LYPD6: variants seen among roughly 807,000 people sequenced by gnomAD.
LYPD6 encodes ly6/PLAUR domain-containing protein 6.
A neutral mutation model predicts 22.7 loss-of-function variants in LYPD6; 15 were observed. The ratio of observed to expected loss-of-function variants is 0.66; its 90% CI spans 0.44 to 1.02. The LOEUF (loss-of-function observed/expected upper bound fraction) is 1.02. LYPD6 is among the 50% of genes least tolerant of loss of function. The probability of loss-of-function intolerance (pLI) is 0.00; values close to 1 mark genes in which losing one functional copy is unlikely to be tolerated. For synonymous variants in LYPD6, 72 were observed against 77.5 expected, an observed-to-expected ratio of 0.93 and a Z score of 0.37; for missense variants, 189 against 208.4, an observed-to-expected ratio of 0.91 and a Z score of 0.57.
chr2:149,420,474 C>A (rs1269167109), intron 1 of LYPD6, among the ~76,000 whole-genome samples: 1 of 152,148 alleles, frequency 6.6e-6, no homozygotes, highest in African/African-American at 2.4e-5. Context: ...AAGACATTTT[C>A]TCTTTTGTTG....
At chr2:149,404,296 G>A (rs1682638717) in intron 1 of LYPD6, among the ~76,000 whole-genome samples, 1 of 152,090 alleles carries the variant, frequency 6.6e-6, no homozygotes. Flanking sequence ...TGATGGGGAT[G>A]GCATTGAATC....
chr2:149,342,682 C>T (rs1681185188), intron 1 of LYPD6, among the ~76,000 whole-genome samples: 1 of 152,142 alleles, frequency 6.6e-6, no homozygotes, highest in Admixed American at 6.6e-5. Context: ...AAGAAATAGA[C>T]AAGGCCAGAT....
At chr2:149,345,961 C>T (rs1681248789) in intron 1 of LYPD6, among the ~76,000 whole-genome samples, 1 of 152,076 alleles carries the variant, frequency 6.6e-6, no homozygotes, top group South Asian at 2.1e-4. Context: ...TTAGAGGCCA[C>T]CTTTACTATT....
At chr2:149,350,936 C>T (rs1681346891) in intron 1 of LYPD6, among the ~76,000 whole-genome samples, 1 of 152,164 alleles carries the variant, frequency 6.6e-6, no homozygotes, top group Non-Finnish European at 1.5e-5. Flanking sequence ...GACATGGCAC[C>T]CCTGCTTATT....
the LYPD6 span, among the ~76,000 whole-genome samples, chr2:149,479,232 C>T: frequency 6.6e-6 from 1 of 152,176 alleles, no homozygotes; most frequent in Non-Finnish European, 1.5e-5. Context: ...AGAAGCTTTC[C>T]TACTTAGAAA....
In LYPD6 at chr2:149,354,977, G is replaced by A. The variant is rs1276985271; in HGVS notation, c.-72+24255G>A. Among the ~76,000 whole-genome samples, 4 of 152,270 alleles carry A rather than the reference G, an allele frequency of 2.6e-5. No individual in the cohort carries two copies. In the South Asian group the frequency reaches 8.3e-4, roughly 32 times the overall value. ...GAGGAACCATAGACTTATGAGCATA[G>A]AGCACTTGTGGTGTTATGAAGTAGC... On this transcript the variant is annotated intron_variant, in intron 1 of 4. Coordinates refer to ENST00000334166, the MANE Select transcript of LYPD6 (RefSeq NM_194317.5).
chr2:149,447,460 G>C (rs1425405804), intron 2 of LYPD6, among the ~76,000 whole-genome samples: 1 of 152,168 alleles, frequency 6.6e-6, no homozygotes, highest in Admixed American at 6.5e-5. Flanking sequence ...AGCCTCTGGT[G>C]CCTCATCCCC....
chr2:149,472,079 TC>T lies in LYPD6; in HGVS notation c.*1230del, dbSNP rs1681349008. ...TTTTTGTACCCCAAGTTACAATTTT[TC>T]TTCTTCCTTGTAAATAATTTAAACA... On this transcript the variant is annotated 3_prime_UTR_variant, in exon 5 of 5. Coordinates refer to ENST00000334166, the MANE Select transcript of LYPD6 (RefSeq NM_194317.5). 1 of 152,368 alleles carries T rather than the reference TC, an allele frequency of 6.6e-6. No individual in the cohort carries two copies. The highest frequency in any genetic ancestry group is 2.1e-4 in the South Asian group (1 of 4,828). 9.4% of individuals were successfully genotyped at this position (152,368 alleles called of 1,614,324 possible). A position where few individuals can be genotyped will look rare whatever the true frequency, so the allele number is the denominator to read the frequency against.
chr2:149,410,746 G>C (rs1364276702), intron 1 of LYPD6, among the ~76,000 whole-genome samples: 1 of 152,228 alleles, frequency 6.6e-6, no homozygotes, highest in Non-Finnish European at 1.5e-5. Context: ...ATGCGAGTCA[G>C]TATTCAATAA....
rs150162498 is a variant in LYPD6, at chr2:149,456,159, T to C, written c.217+7012T>C. On this transcript the variant is annotated intron_variant, in intron 3 of 4. Coordinates refer to ENST00000334166, the MANE Select transcript of LYPD6 (RefSeq NM_194317.5). ...TGAAAGCGGAGACTGTAGTAATTAC[T>C]AATTAGGGTAAGTTTAAAATAATTC... Among the ~76,000 whole-genome samples the C allele has an allele frequency of 3.2e-3, 489 of 152,370 alleles. 2 individuals carry two copies. The highest frequency in any genetic ancestry group is 0.011 in the African/African-American group (459 of 41,592).
At chr2:149,340,777 A>G (rs142313042) in intron 1 of LYPD6, among the ~76,000 whole-genome samples, 6 of 152,338 alleles carry the variant, frequency 3.9e-5, no homozygotes, top group African/African-American at 1.2e-4. Context: ...AGTGTGGCAT[A>G]ATATTGGTAT....
At chr2:149,470,567 T>C in intron 4 of LYPD6, 116 bp from the exon 5 acceptor site, 1 of 821,020 alleles carries the variant, frequency 1.2e-6, no homozygotes, top group South Asian at 1.7e-5. Flanking sequence ...ATCTCCTTTA[T>C]AGATTAGGTA....
At chr2:149,375,540 T>C (rs1272394231) in intron 1 of LYPD6, among the ~76,000 whole-genome samples, 1 of 152,180 alleles carries the variant, frequency 6.6e-6, no homozygotes, top group Non-Finnish European at 1.5e-5. Context: ...AAAAATAGAT[T>C]TAGAAAATAC....
At chr2:149,477,527 G>A (rs1305573241), downstream of LYPD6, among the ~76,000 whole-genome samples, 4 of 151,260 alleles carry the variant, frequency 2.6e-5, no homozygotes, top group Admixed American at 2.6e-4. Flanking sequence ...GGAGGCTGAG[G>A]CAGGAGAATC....
chr2:149,416,198 G>A (rs1682958330), intron 1 of LYPD6, among the ~76,000 whole-genome samples: 1 of 152,156 alleles, frequency 6.6e-6, no homozygotes, highest in South Asian at 2.1e-4. Flanking sequence ...TCTGCAGTGG[G>A]TACTCATCTT....
In LYPD6 at chr2:149,340,963, A is replaced by G. The variant is rs183971696; in HGVS notation, c.-72+10241A>G. 1.5e-4 allele frequency among the ~76,000 whole-genome samples: 23 copies of G among 151,734 alleles called. No individual in the cohort carries two copies. The East Asian group carries it at 4.1e-3, about 27-fold the overall frequency. On this transcript the variant is annotated intron_variant, in intron 1 of 4. Transcript: ENST00000334166. ...CATTTAATTTCTTAGAAAATTTTCA[A>G]TCTTGGAGAAAAAAATTCACTTTCA...
At chr2:149,463,683 C>T (rs1196655) in intron 3 of LYPD6, among the ~76,000 whole-genome samples, 104,319 of 152,044 alleles carry the variant, frequency 0.69, 37,775 homozygotes, top group East Asian at 0.86. Context: ...ACATCTATGC[C>T]GTGGAATACT....
intron 1 of LYPD6, among the ~76,000 whole-genome samples, chr2:149,417,306 A>G (rs532889900): frequency 2.0e-5 from 3 of 152,236 alleles, no homozygotes; most frequent in Admixed American, 6.5e-5. Flanking sequence ...CCTTGTATAT[A>G]CTGATAAAGC....
At chr2:149,384,495 C>T (rs1008956410) in intron 1 of LYPD6, among the ~76,000 whole-genome samples, 5 of 152,134 alleles carry the variant, frequency 3.3e-5, no homozygotes, top group African/African-American at 1.2e-4. Context: ...TGTTCCTGGG[C>T]AAAGGCTCAG....
Sources: allele counts gnomAD v4.1 joint callset (sites outside exome capture counted in the v4.1 genomes callset), GRCh38; gene constraint gnomAD v4.1.1; transcripts MANE v1.5; gene names NCBI Gene and HGNC (gene_info 2026-07-23, HGNC 2026-07-21).